Variants in SIRT3 observed in about 807,000 individuals in gnomAD.
SIRT3 encodes the protein sirtuin 3.
SIRT3 carries 26 observed loss-of-function variants against 33.5 expected under a neutral mutation model. That is an observed-to-expected ratio of 0.78 (90% confidence interval 0.57 to 1.08). The LOEUF (loss-of-function observed/expected upper bound fraction) is 1.08. Among genes scored for constraint, SIRT3 ranks in the 50% least tolerant of loss-of-function variants. The probability of loss-of-function intolerance (pLI) is 0.00; values close to 1 mark genes in which losing one functional copy is unlikely to be tolerated. For synonymous variants in SIRT3, 237 were observed against 222.1 expected, an observed-to-expected ratio of 1.07 and a Z score of -0.60; for missense variants, 585 against 530.1, an observed-to-expected ratio of 1.10 and a Z score of -1.02.
At chr11:219,944 C>T (rs1265571586) in intron 5 of SIRT3, among the ~76,000 whole-genome samples, 1 of 151,962 alleles carries the variant, frequency 6.6e-6, no homozygotes, top group Non-Finnish European at 1.5e-5. Flanking sequence ...AAAATATTTA[C>T]AACATATGAC....
intron 3 of SIRT3, 127 bp downstream of exon 3, chr11:232,856 G>T: frequency 1.2e-6 from 1 of 817,160 alleles, no homozygotes; most frequent in Non-Finnish European, 2.0e-6. Flanking sequence ...GATAGGTTTT[G>T]GCCGTCCCCA....
In SIRT3 at chr11:224,167, A is replaced by C; in HGVS notation, c.880T>G (p.Phe294Val). The change falls in exon 5 of 7, where the codon TTT becomes GTT. Residue 294 changes from phenylalanine (F) to valine (V), a missense_variant. Phe to Val is a conservative substitution (Grantham distance 50). Coordinates refer to ENST00000382743, the MANE Select transcript of SIRT3 (RefSeq NM_012239.6). ...AACCTCTGGGGCAGCGGCTCCCCAA[A>C]GAACACAATGTCGGGCTTCACAACG... The part of the protein sequence containing the change: ...TGVVKPDIVF[F>V]GEPLPQRFLL... The C allele has an allele frequency of 6.2e-7, 1 of 1,614,188 alleles. No homozygotes were observed.
rs1338428355 is a variant in SIRT3 at position 233,421 on chromosome 11, A to G, written c.395T>C (p.Ile132Thr). Residue 132 changes from isoleucine to threonine, a missense_variant, in exon 2 of 7, where the codon ATT becomes ACT. By Grantham distance (89) the Ile-to-Thr change is moderately conservative (BLOSUM62 -1). Transcript: ENST00000382743. The part of the protein sequence containing the change: ...KLSLQDVAEL[I>T]RARACQRVVV... Reference sequence around the variant, plus strand: ...CACCCTCTGGCAGGCTCTGGCCCGAATCAGCTCAGCTACATCCTGCAGGGA... The same window carrying G: ...CACCCTCTGGCAGGCTCTGGCCCGAGTCAGCTCAGCTACATCCTGCAGGGA... 1 of 1,613,980 alleles carries G rather than the reference A, an allele frequency of 6.2e-7. No individual in the cohort carries two copies. Among genetic ancestry groups the G allele is most frequent in the Admixed American group, 1.7e-5 (1 of 59,998 alleles).
intron 4 of SIRT3, among the ~76,000 whole-genome samples, chr11:229,616 G>A (rs12787134): frequency 0.16 from 23,729 of 151,750 alleles, 2,343 homozygotes; most frequent in Middle Eastern, 0.22. Context: ...AACATTAGCT[G>A]GGCATGGTGG....
At chr11:231,843 G>A (rs1157250042) in intron 3 of SIRT3, among the ~76,000 whole-genome samples, 1 of 148,078 alleles carries the variant, frequency 6.8e-6, no homozygotes, top group Admixed American at 6.7e-5. Flanking sequence ...CTTTTTAACT[G>A]ACAACACATC....
chr11:232,378 C>T (rs1303230744), intron 3 of SIRT3, among the ~76,000 whole-genome samples: 1 of 152,102 alleles, frequency 6.6e-6, no homozygotes, highest in Non-Finnish European at 1.5e-5. Flanking sequence ...CTCGGCCTCC[C>T]AAAATGCTGG....
chr11:216,123 T>C lies in SIRT3; in HGVS notation c.*575A>G, dbSNP rs1200296719. ...ATCCCAGGGTTCCCTTTCCAACTCA[T>C]GTCAACACCTGCAGTCCCTTTGAGG... On this transcript the variant is annotated 3_prime_UTR_variant, in exon 7 of 7. Coordinates refer to ENST00000382743, the MANE Select transcript of SIRT3 (RefSeq NM_012239.6). 1 of 152,822 alleles carries C rather than the reference T, an allele frequency of 6.5e-6. No individual in the cohort carries two copies. Among genetic ancestry groups the C allele is most frequent in the African/African-American group, 2.4e-5 (1 of 41,450 alleles). The allele number at this position is 152,822 out of a possible 1,614,324, so 9.5% of individuals were successfully genotyped here. A position where few individuals can be genotyped will look rare whatever the true frequency, so the allele number is the denominator to read the frequency against.
At chr11:227,437 CA>C (rs1041528534) in intron 4 of SIRT3, among the ~76,000 whole-genome samples, 5 of 148,076 alleles carry the variant, frequency 3.4e-5, no homozygotes, top group Non-Finnish European at 6.0e-5. Context: ...GACTCTATCT[CA>C]AAAAAACAAA....
rs118120931 is a variant in SIRT3 at position 233,588 on chromosome 11, T to C, written c.282-54A>G. ...AAACAGATAGCAACCAATCTCAGGA[T>C]AGCAAGAACGAGCATGGCTCTGCCC... On this transcript the variant is annotated intron_variant, in intron 1 of 6. Transcript: ENST00000382743. 1,098 of 1,579,300 alleles carry C rather than the reference T, an allele frequency of 7.0e-4. 1 individual carries two copies. The highest frequency in any genetic ancestry group is 8.8e-4 in the Non-Finnish European group (1,016 of 1,153,928).
intron 5 of SIRT3, among the ~76,000 whole-genome samples, chr11:220,195 T>C (rs1856237830): frequency 6.6e-6 from 1 of 151,862 alleles, no homozygotes; most frequent in African/African-American, 2.4e-5. Flanking sequence ...CTGGGCGTGG[T>C]GGCACGCACC....
chr11:232,734 G>C (rs1858244538), intron 3 of SIRT3, among the ~76,000 whole-genome samples: 1 of 152,184 alleles, frequency 6.6e-6, no homozygotes, highest in Non-Finnish European at 1.5e-5. Context: ...ACACAGCTCT[G>C]CAGGTATGCA....
In SIRT3 at chr11:233,380, C is replaced by A. The variant is rs147810576; in HGVS notation, c.436G>T (p.Ala146Ser). ...ACQRVVVMVGAGISTPSGIPD... is the reference protein window; with the variant it reads ...ACQRVVVMVGSGISTPSGIPD... ...ATGCCACTGGGTGTGCTGATGCCGG[C>A]CCCCACCATGACCACCACCCTCTGG... is the stretch of plus-strand genomic sequence containing the variant. The change falls in exon 2 of 7, where the codon GCC becomes TCC. Residue 146 changes from alanine (A) to serine (S), a missense_variant. Coordinates refer to ENST00000382743, the MANE Select transcript of SIRT3 (RefSeq NM_012239.6). 1,482 of 1,613,874 alleles carry A rather than the reference C, an allele frequency of 9.2e-4. 1 individual carries two copies. Among genetic ancestry groups the A allele is most frequent in the Non-Finnish European group, 1.2e-3 (1,431 of 1,179,966 alleles).
chr11:234,047 T>C (rs183430453), intron 1 of SIRT3: 1 of 153,212 alleles, frequency 6.5e-6, no homozygotes, highest in Non-Finnish European at 1.5e-5. Flanking sequence ...ATTATTGCTG[T>C]TGAGTGCCTG....
At chr11:236,370 C>CAGGCGCCCCGCCCG, upstream of SIRT3, 2 of 1,174,640 alleles carry the variant, frequency 1.7e-6, no homozygotes, top group Non-Finnish European at 2.1e-6. Context: ...CGCCCCGCCC[C>CAGGCGCCCCGCCCG]CGGCGCCCCG....
intron 6 of SIRT3, among the ~76,000 whole-genome samples, chr11:217,676 G>A (rs1855844438): frequency 6.6e-6 from 1 of 152,248 alleles, no homozygotes; most frequent in African/African-American, 2.4e-5. Context: ...TGGAGGTGAG[G>A]AGAGTGCTGA....
chr11:224,788 G>A (rs1856934602), intron 4 of SIRT3, among the ~76,000 whole-genome samples: 1 of 152,046 alleles, frequency 6.6e-6, no homozygotes, highest in African/African-American at 2.4e-5. Context: ...TACTGGCCAA[G>A]GTGAAGTGGA....
intron 5 of SIRT3, among the ~76,000 whole-genome samples, chr11:219,923 C>T (rs753528248): frequency 9.9e-5 from 15 of 152,056 alleles, no homozygotes; most frequent in Non-Finnish European, 1.6e-4. Flanking sequence ...CTCTCATCAT[C>T]ATAAACTGCA....
In SIRT3 at chr11:216,392, A is replaced by C. The variant is rs1855648315; in HGVS notation, c.*306T>G. 7.8e-6 allele frequency: 3 copies of C among 383,630 alleles called. No homozygotes were observed. In the East Asian group the frequency reaches 1.4e-4, roughly 18 times the overall value. 23.8% of individuals were successfully genotyped at this position (383,630 alleles called of 1,614,324 possible). A position where few individuals can be genotyped will look rare whatever the true frequency, so the allele number is the denominator to read the frequency against. On this transcript the variant is annotated 3_prime_UTR_variant, in exon 7 of 7. Coordinates refer to ENST00000382743, the MANE Select transcript of SIRT3 (RefSeq NM_012239.6). The stretch of plus-strand genomic sequence containing the variant: ...GATTCCAGTTGGTCTGATTCAGTTC[A>C]AGAGGGTCACAGTCAGAAGAAAGCT...
At position 223,717 on chromosome 11, in the gene SIRT3, T is replaced by C. The variant is rs1856741303; in HGVS notation, c.969+361A>G. ...CCACCTTCCTGTCTCCTGCACAGGCTGCTGCTCCCTCAGCCTGGAACCCCA... is the reference window on the plus strand; with the variant it reads ...CCACCTTCCTGTCTCCTGCACAGGCCGCTGCTCCCTCAGCCTGGAACCCCA... On this transcript the variant is annotated intron_variant, in intron 5 of 6. Transcript: ENST00000382743. The surrounding 1 kb of genome is among the most constrained non-coding windows in gnomAD (Gnocchi z 4.8). The C allele has an allele frequency of 5.2e-6, 4 of 762,700 alleles. No homozygotes were observed. Among genetic ancestry groups the C allele is most frequent in the Non-Finnish European group, 4.6e-6 (2 of 437,598 alleles). The allele number at this position is 762,700 out of a possible 1,614,324, so 47.2% of individuals were successfully genotyped here.
Sources: allele counts gnomAD v4.1 joint callset (sites outside exome capture counted in the v4.1 genomes callset), GRCh38; gene constraint gnomAD v4.1.1; non-coding constraint Gnocchi (gnomAD v3.1); transcripts MANE v1.5; gene names NCBI Gene and HGNC (gene_info 2026-07-23, HGNC 2026-07-21).